SCLT1: variants seen among roughly 807,000 people sequenced by gnomAD.
SCLT1 encodes the protein sodium channel and clathrin linker 1.
SCLT1 carries 78 observed loss-of-function variants against 112.8 expected under a neutral mutation model. That is an observed-to-expected ratio of 0.69 (90% CI 0.58 to 0.83). The LOEUF (loss-of-function observed/expected upper bound fraction) is 0.83, where lower values mean the gene tolerates loss of function less well. SCLT1 is among the 40% of genes least tolerant of loss of function. SCLT1 has a pLI of 0.00. For synonymous variants in SCLT1, 257 were observed against 254.7 expected, an observed-to-expected ratio of 1.01 and a Z score of -0.09; for missense variants, 747 against 770.4, an observed-to-expected ratio of 0.97 and a Z score of 0.36.
intron 8 of SCLT1, among the ~76,000 whole-genome samples, chr4:128,995,992 C>T (rs574090421): frequency 6.6e-5 from 10 of 152,128 alleles, no homozygotes; most frequent in East Asian, 3.9e-4. Flanking sequence ...CTGTGAGCTC[C>T]GAGACTGGCA....
intron 9 of SCLT1, among the ~76,000 whole-genome samples, chr4:128,985,703 T>C (rs1359249896): frequency 6.6e-6 from 1 of 152,210 alleles, no homozygotes; most frequent in Non-Finnish European, 1.5e-5. Flanking sequence ...AATCTTTTCC[T>C]TTTTGGCTTG....
At chr4:129,089,794 A>G (rs891068932) in intron 1 of SCLT1, among the ~76,000 whole-genome samples, 1 of 152,154 alleles carries the variant, frequency 6.6e-6, no homozygotes, top group African/African-American at 2.4e-5. Context: ...ATTCTCACTC[A>G]TAAGTGGGAG....
chr4:128,896,392 CT>C (rs1266999913), intron 18 of SCLT1, among the ~76,000 whole-genome samples: 2 of 152,324 alleles, frequency 1.3e-5, no homozygotes, highest in African/African-American at 4.8e-5. Context: ...GCAGCCTCTG[CT>C]GCTGATACCC....
At chr4:129,056,212 C>A (rs1035391108) in intron 2 of SCLT1, among the ~76,000 whole-genome samples, 13 of 152,206 alleles carry the variant, frequency 8.5e-5, no homozygotes, top group African/African-American at 3.1e-4. Context: ...GAGCTGCAGA[C>A]TGGAGCTGTT....
intron 2 of SCLT1, among the ~76,000 whole-genome samples, chr4:129,061,574 C>A (rs1749978870): frequency 6.6e-6 from 1 of 152,120 alleles, no homozygotes; most frequent in Admixed American, 6.6e-5. Flanking sequence ...CAAATTGAGG[C>A]ATTGAGGAGA....
intron 18 of SCLT1, among the ~76,000 whole-genome samples, 194 bp from the exon 19 acceptor site, chr4:128,891,331 T>C (rs1160731233): frequency 2.6e-5 from 4 of 152,212 alleles, no homozygotes; most frequent in Admixed American, 6.5e-5. Context: ...CTCTAGAGAT[T>C]AGTTGCACAA....
At position 128,970,387 on chromosome 4, in the gene SCLT1, C is replaced by A. The variant is rs141863899; in HGVS notation, c.768G>T (p.Met256Ile). The A allele has an allele frequency of 0.013, 19,663 of 1,569,278 alleles. 161 individuals are homozygous for A. Among genetic ancestry groups the A allele is most frequent in the Middle Eastern group, 0.023 (136 of 6,002 alleles). The change falls in exon 10 of 21, where the codon ATG becomes ATT. Residue 256 changes from methionine to isoleucine, a missense_variant. This residue lies in a region of SCLT1 where 723 missense variants were observed against 721.3 expected (regional missense o/e 1.00). Transcript: ENST00000281142. Reference protein sequence around the residue: ...TNVTEDLQGQMKKKEKDVVSA... With the variant: ...TNVTEDLQGQIKKKEKDVVSA... The stretch of plus-strand genomic sequence containing the variant: ...TAGAAATAGAAAATACCTTCTTTTT[C>A]ATCTGTCCCTGCAGATCTTCAGTCA...
At chr4:128,930,675 T>C (rs928443064) in intron 18 of SCLT1, among the ~76,000 whole-genome samples, 9 of 152,092 alleles carry the variant, frequency 5.9e-5, no homozygotes, top group African/African-American at 1.9e-4. Context: ...ATCCAGGAGT[T>C]AGGGGAATAG....
intron 9 of SCLT1, among the ~76,000 whole-genome samples, chr4:128,983,232 T>C (rs987881029): frequency 1.3e-5 from 2 of 152,166 alleles, no homozygotes; most frequent in Non-Finnish European, 2.9e-5. Flanking sequence ...ATAACATTGG[T>C]TATTCCTAGA....
Position 128,988,728 on chromosome 4 carries a change from C to A in SCLT1, c.686+3439G>T, listed in dbSNP as rs186321557. Among the ~76,000 whole-genome samples, 4 of 151,792 alleles carry A rather than the reference C, an allele frequency of 2.6e-5. No homozygotes were observed. In the East Asian group the frequency reaches 5.8e-4, roughly 22 times the overall value. On this transcript the variant is annotated intron_variant, in intron 9 of 20. Coordinates refer to ENST00000281142, the MANE Select transcript of SCLT1 (RefSeq NM_144643.4). ...ATAAGACCTAATCATATGCTGCCTACGAGAAACTCATTTCATCTATAAAGA... is the reference window on the plus strand; with the variant it reads ...ATAAGACCTAATCATATGCTGCCTAAGAGAAACTCATTTCATCTATAAAGA...
chr4:129,047,174 G>A (rs1428308370), intron 2 of SCLT1, among the ~76,000 whole-genome samples: 1 of 152,036 alleles, frequency 6.6e-6, no homozygotes, highest in Non-Finnish European at 1.5e-5. Flanking sequence ...CTTATGTGCT[G>A]TTTAAGCCAT....
downstream of SCLT1, among the ~76,000 whole-genome samples, chr4:128,881,182 T>A (rs1056326661): frequency 1.6e-4 from 25 of 151,830 alleles, no homozygotes; most frequent in South Asian, 6.2e-4. Context: ...GGTACTGCAA[T>A]CTCTCTGTCT....
rs543336422 is a variant in SCLT1, at chr4:128,944,088, A to G, written c.1440-900T>C. Among the ~76,000 whole-genome samples the G allele has an allele frequency of 1.5e-4, 23 of 152,240 alleles. 1 individual carries two copies. In the South Asian group the frequency reaches 4.6e-3, roughly 30 times the overall value. Reference sequence around the variant, plus strand: ...ATCTGCCAGTGCTTTGGGTGAACACAGTTAGTGACTGATTTTCTTTGATCT... The same window carrying G: ...ATCTGCCAGTGCTTTGGGTGAACACGGTTAGTGACTGATTTTCTTTGATCT... On this transcript the variant is annotated intron_variant, in intron 16 of 20. Transcript: ENST00000281142.
chr4:128,960,836 C>T (rs1739639763), intron 11 of SCLT1, among the ~76,000 whole-genome samples: 1 of 139,312 alleles, frequency 7.2e-6, no homozygotes, highest in African/African-American at 2.7e-5. Context: ...AGGAGAATGG[C>T]GTGAACCCGG....
At chr4:129,009,463 G>A (rs1389343666) in intron 5 of SCLT1, among the ~76,000 whole-genome samples, 1 of 151,312 alleles carries the variant, frequency 6.6e-6, no homozygotes, top group African/African-American at 2.4e-5. Context: ...GCAGTGAGCT[G>A]AGATCGCGCC....
At chr4:129,036,887 G>A (rs933184392) in intron 5 of SCLT1, 1 of 151,520 alleles carries the variant, frequency 6.6e-6, no homozygotes, top group African/African-American at 2.4e-5. Flanking sequence ...CTTTAAAAGA[G>A]CCCATGTTTT....
chr4:128,881,683 T>C (rs1732643225), downstream of SCLT1, among the ~76,000 whole-genome samples: 1 of 152,196 alleles, frequency 6.6e-6, no homozygotes, highest in African/African-American at 2.4e-5. Flanking sequence ...TTCCTACTCA[T>C]TTCTCCTGTA....
chr4:128,934,812 C>A (rs922733257), intron 18 of SCLT1, among the ~76,000 whole-genome samples: 5 of 151,330 alleles, frequency 3.3e-5, no homozygotes, highest in Non-Finnish European at 5.9e-5. Context: ...TTTTTCTTGC[C>A]TTAGTGCACT....
intron 18 of SCLT1, among the ~76,000 whole-genome samples, chr4:128,897,868 C>A (rs528159809): frequency 6.6e-6 from 1 of 152,030 alleles, no homozygotes; most frequent in African/African-American, 2.4e-5. Context: ...GCAGGGGTTG[C>A]AATCCTAGTC....
Sources: allele counts gnomAD v4.1 joint callset (sites outside exome capture counted in the v4.1 genomes callset), GRCh38; gene constraint gnomAD v4.1.1; regional missense constraint gnomAD v4.1.1; transcripts MANE v1.5; gene names NCBI Gene and HGNC (gene_info 2026-07-23, HGNC 2026-07-21).